The following LAMA2 variants were observed in gnomAD, a reference collection of about 807,000 sequenced individuals.
LAMA2 encodes laminin subunit alpha 2.
LAMA2 carries 269 observed loss-of-function variants against 364.8 expected under a neutral mutation model. The ratio of observed to expected loss-of-function variants is 0.74; its 90% CI spans 0.67 to 0.82. LAMA2 has a LOEUF of 0.82. LAMA2 is among the 40% of genes least tolerant of loss of function. The probability of loss-of-function intolerance (pLI) is 0.00; values close to 1 mark genes in which losing one functional copy is unlikely to be tolerated. For synonymous variants in LAMA2, 1,379 were observed against 1,370.6 expected (o/e 1.01, Z -0.14); for missense variants, 3,807 against 3,873.2 (o/e 0.98, Z 0.45).
chr6:129,060,063 A>G (rs1474721477), intron 3 of LAMA2, among the ~76,000 whole-genome samples, 167 bp downstream of exon 3: 1 of 152,216 alleles, frequency 6.6e-6, no homozygotes, highest in Non-Finnish European at 1.5e-5. Context: ...ATTGTTATTT[A>G]CGAGTATTCA....
At chr6:129,348,451 A>G (rs189135050) in intron 30 of LAMA2, among the ~76,000 whole-genome samples, 1 of 152,234 alleles carries the variant, frequency 6.6e-6, no homozygotes, top group Admixed American at 6.5e-5. Context: ...CAAGTTTCCA[A>G]TGCATCATTC....
At chr6:129,403,650 G>C (rs1469690332) in intron 39 of LAMA2, among the ~76,000 whole-genome samples, 171 bp from the exon 40 acceptor site, 1 of 152,052 alleles carries the variant, frequency 6.6e-6, no homozygotes, top group East Asian at 1.9e-4. Flanking sequence ...ATAAGTTTAG[G>C]TTATAGAAAA....
chr6:129,106,040 T>A (rs1775801276), intron 4 of LAMA2, among the ~76,000 whole-genome samples: 1 of 152,156 alleles, frequency 6.6e-6, no homozygotes, highest in Admixed American at 6.6e-5. Context: ...CACCACCTTC[T>A]CACTCTCCTG....
At chr6:129,367,820 G>T (rs1777859880) in intron 33 of LAMA2, among the ~76,000 whole-genome samples, 1 of 152,158 alleles carries the variant, frequency 6.6e-6, no homozygotes, top group Admixed American at 6.5e-5. Context: ...CAAGAAATAG[G>T]AAAGAAGTTG....
intron 1 of LAMA2, among the ~76,000 whole-genome samples, chr6:128,890,249 A>G (rs1418297738): frequency 6.6e-6 from 1 of 152,186 alleles, no homozygotes; most frequent in Non-Finnish European, 1.5e-5. Context: ...GTAGATTAAT[A>G]TAATTATCCT....
Position 129,507,578 on chromosome 6 carries a change from T to C in LAMA2, c.8793T>C (p.Val2931=). ...DLEQPTSSFH[V]GTCFANAQRG... is the part of the protein sequence containing the mutation. ...AACAACCCACCTCCAGCTTCCATGT[T>C]GGGACATGTTTTGCAAATGCTCAGA... Residue 2931 remains valine, a synonymous_variant, in exon 62 of 65, where the codon GTT becomes GTC. Coordinates refer to ENST00000421865, the MANE Select transcript of LAMA2 (RefSeq NM_000426.4). 3 of 1,614,198 alleles carry C rather than the reference T, an allele frequency of 1.9e-6. No homozygotes were observed. The highest frequency in any genetic ancestry group is 2.5e-6 in the Non-Finnish European group (3 of 1,180,008).
chr6:129,429,028 G>A (rs1272124600), intron 41 of LAMA2, among the ~76,000 whole-genome samples: 1 of 152,018 alleles, frequency 6.6e-6, no homozygotes, highest in East Asian at 1.9e-4. Context: ...ACTATTCCAA[G>A]CCTTCATGTT....
In LAMA2 at chr6:129,297,728, G is replaced by T. The variant is rs1412568743; in HGVS notation, c.2900G>T (p.Cys967Phe). The change falls in exon 21 of 65, where the codon TGC (cysteine) becomes TTC (phenylalanine). Residue 967 changes from cysteine to phenylalanine, a missense_variant. This residue lies in a region of LAMA2 where 3,333 missense variants were observed against 3,345.7 expected (regional missense o/e 1.00). Transcript: ENST00000421865. ...GLQSARGCVP[C>F]NCNSFGSKSF... ...CAATCAGCAAGGGGCTGTGTTCCCT[G>T]CAACTGCAATTCTTTTGGGTCTAAG... 8 of 1,613,976 alleles carry T rather than the reference G, an allele frequency of 5.0e-6. No homozygotes were observed. Among genetic ancestry groups the T allele is most frequent in the Non-Finnish European group, 6.8e-6 (8 of 1,179,994 alleles).
intron 12 of LAMA2, among the ~76,000 whole-genome samples, chr6:129,219,636 A>C (rs1390920081): frequency 6.8e-6 from 1 of 146,836 alleles, no homozygotes; most frequent in Non-Finnish European, 1.5e-5. Context: ...ACCATGGAAT[A>C]CTATGCAGCC....
chr6:129,499,940 G>A (rs554431126), intron 58 of LAMA2, among the ~76,000 whole-genome samples: 1 of 151,900 alleles, frequency 6.6e-6, no homozygotes, highest in South Asian at 2.1e-4. Flanking sequence ...GACAGAGGGG[G>A]GCAGGGGTCC....
intron 45 of LAMA2, among the ~76,000 whole-genome samples, chr6:129,447,941 C>T (rs759011007): frequency 9.9e-5 from 15 of 152,202 alleles, no homozygotes; most frequent in South Asian, 2.1e-4. Context: ...CCTCACAAAA[C>T]GGTGAAATTC....
rs546601290 is a variant in LAMA2 at position 129,132,642 on chromosome 6, G to T, written c.640-11259G>T. Among the ~76,000 whole-genome samples the T allele has an allele frequency of 1.4e-3, 212 of 152,300 alleles. 2 individuals are homozygous for T. Among genetic ancestry groups the T allele is most frequent in the African/African-American group, 5.0e-3 (206 of 41,576 alleles). On this transcript the variant is annotated intron_variant, in intron 4 of 64. Coordinates refer to ENST00000421865, the MANE Select transcript of LAMA2 (RefSeq NM_000426.4). ...TTACTTATTCATGTTGTCTCAGGCT[G>T]TCCAGGTTGGTAACAGGTAACTGCT... is the stretch of plus-strand genomic sequence containing the variant.
In LAMA2 at chr6:129,147,711, T is replaced by A. The variant is rs534747401; in HGVS notation, c.909+663T>A. Among the ~76,000 whole-genome samples the A allele has an allele frequency of 2.6e-5, 4 of 152,160 alleles. No homozygotes were observed. In the South Asian group the frequency reaches 8.3e-4, roughly 32 times the overall value. ...ATCTCCTGTATAGTATATGGAAAAATACATTGAATAGTAAGATCAGTGAAT... is the reference window on the plus strand; with the variant it reads ...ATCTCCTGTATAGTATATGGAAAAAAACATTGAATAGTAAGATCAGTGAAT... On this transcript the variant is annotated intron_variant, in intron 6 of 64. Transcript: ENST00000421865.
intron 31 of LAMA2, among the ~76,000 whole-genome samples, chr6:129,352,663 C>CA (rs1379055143): frequency 6.6e-6 from 1 of 152,020 alleles, no homozygotes; most frequent in African/African-American, 2.4e-5. Context: ...GAGGACTTAA[C>CA]AAAAAAGTTT....
intron 38 of LAMA2, among the ~76,000 whole-genome samples, 184 bp downstream of exon 38, chr6:129,401,524 A>G (rs1204229085): frequency 1.3e-5 from 2 of 152,240 alleles, no homozygotes; most frequent in Admixed American, 6.5e-5. Flanking sequence ...TGTTCTCCCA[A>G]TGGACATGAG....
chr6:129,112,211 C>T (rs1487742766), intron 4 of LAMA2, among the ~76,000 whole-genome samples: 1 of 152,062 alleles, frequency 6.6e-6, no homozygotes, highest in Admixed American at 6.6e-5. Context: ...GAAAAAAATC[C>T]TCTATTGCTT....
chr6:129,132,940 T>G (rs1441839773), intron 4 of LAMA2, among the ~76,000 whole-genome samples: 3 of 152,202 alleles, frequency 2.0e-5, no homozygotes, highest in Non-Finnish European at 4.4e-5. Flanking sequence ...AGCCAGAATT[T>G]GAACACAAGC....
At chr6:128,901,472 C>G (rs1777074766) in intron 1 of LAMA2, among the ~76,000 whole-genome samples, 1 of 152,146 alleles carries the variant, frequency 6.6e-6, no homozygotes, top group African/African-American at 2.4e-5. Context: ...GAGGTATATA[C>G]TACCTTATAT....
intron 49 of LAMA2, among the ~76,000 whole-genome samples, chr6:129,461,945 C>T (rs192846877): frequency 3.4e-4 from 51 of 152,030 alleles, no homozygotes; most frequent in African/African-American, 1.1e-3. Context: ...TAAAAAGGCA[C>T]ATTTGGAGTA....
Sources: allele counts gnomAD v4.1 joint callset (sites outside exome capture counted in the v4.1 genomes callset), GRCh38; gene constraint gnomAD v4.1.1; regional missense constraint gnomAD v4.1.1; transcripts MANE v1.5; gene names NCBI Gene and HGNC (gene_info 2026-07-23, HGNC 2026-07-21).